Variants in RIMBP2 observed in about 807,000 individuals in gnomAD.
RIMBP2 encodes the protein RIMS binding protein 2, also known as RIMS-binding protein 2.
RIMBP2 carries 48 observed loss-of-function variants against 118.6 expected under a neutral mutation model. The ratio of observed to expected loss-of-function variants is 0.40; its 90% CI spans 0.32 to 0.51. The LOEUF is 0.51. Ranked by LOEUF, RIMBP2 falls within the 20% of genes least tolerant of loss-of-function variation. The pLI is 0.41. For synonymous variants in RIMBP2, 762 were observed against 742.9 expected, an observed-to-expected ratio of 1.03 and a Z score of -0.42; for missense variants, 1,551 against 1,768.3, an observed-to-expected ratio of 0.88 and a Z score of 2.20.
At chr12:130,468,713 T>C (rs1331163979) in intron 6 of RIMBP2, among the ~76,000 whole-genome samples, 4 of 152,194 alleles carry the variant, frequency 2.6e-5, no homozygotes, top group Non-Finnish European at 5.9e-5. Context: ...GCTTGAATTC[T>C]GATGACCAGT....
intron 8 of RIMBP2, 150 bp downstream of exon 8, chr12:130,451,045 C>T (rs2078962266): frequency 1.1e-6 from 1 of 899,690 alleles, no homozygotes; most frequent in Admixed American, 2.5e-5. Context: ...CATAGTAGGG[C>T]AAGGGAATTA....
chr12:130,615,276 C>CATATATATATATATATATATCTAT, intron 2 of RIMBP2, among the ~76,000 whole-genome samples: 1 of 100,264 alleles, frequency 1.0e-5, no homozygotes, highest in East Asian at 3.2e-4. Flanking sequence ...AATACACATA[C>CATATATATATATATATATATCTAT]ATATATATAT....
In RIMBP2 at chr12:130,569,891, C is replaced by T. The variant is rs975656422; in HGVS notation, c.-216-51974G>A. ...GTATATGGCCTGATACAACATGACACGGCCAATTATTTGCATTTAAAAGGC... is the reference window on the plus strand; with the variant it reads ...GTATATGGCCTGATACAACATGACATGGCCAATTATTTGCATTTAAAAGGC... On this transcript the variant is annotated intron_variant, in intron 2 of 22. Coordinates refer to ENST00000690449, the MANE Select transcript of RIMBP2 (RefSeq NM_001393629.1). Among the ~76,000 whole-genome samples the T allele has an allele frequency of 2.6e-5, 4 of 152,098 alleles. No individual in the cohort carries two copies. The East Asian group carries it at 5.8e-4, about 22-fold the overall frequency.
chr12:130,527,005 G>C (rs1280811646), intron 2 of RIMBP2, among the ~76,000 whole-genome samples: 1 of 152,086 alleles, frequency 6.6e-6, no homozygotes, highest in Non-Finnish European at 1.5e-5. Context: ...GCGAGTGGTT[G>C]CTGCTGTCCA....
At chr12:130,615,999 TG>T (rs1264953115) in intron 2 of RIMBP2, among the ~76,000 whole-genome samples, 1 of 152,154 alleles carries the variant, frequency 6.6e-6, no homozygotes, top group Non-Finnish European at 1.5e-5. Context: ...TTTTCACCTC[TG>T]GCAGGCACCA....
chr12:130,644,514 A>G (rs546088423), intron 1 of RIMBP2, among the ~76,000 whole-genome samples: 11 of 152,342 alleles, frequency 7.2e-5, no homozygotes, highest in South Asian at 6.2e-4. Context: ...ATGGGATGGG[A>G]AGATTAAAAG....
rs112901679 is a variant in RIMBP2 at position 130,447,112 on chromosome 12, G to GC, written c.582-1844dup. ...GGAGGAGGGAGCGAGAGGAACAGGA[G>GC]CCCCCAGGCCACGCCTTCAGGAGTG... On this transcript the variant is annotated intron_variant, in intron 9 of 22. Transcript: ENST00000690449. The surrounding 1 kb of genome is among the most constrained non-coding windows in gnomAD (Gnocchi z 4.4). Among the ~76,000 whole-genome samples the GC allele has an allele frequency of 7.9e-5, 12 of 151,960 alleles. No individual in the cohort carries two copies. The highest frequency in any genetic ancestry group is 2.9e-4 in the African/African-American group (12 of 41,428).
intron 1 of RIMBP2, among the ~76,000 whole-genome samples, chr12:130,707,257 C>T (rs937557909): frequency 2.6e-5 from 4 of 152,134 alleles, no homozygotes; most frequent in African/African-American, 7.2e-5. Context: ...GGCATAGGTA[C>T]GCAGAGGATT....
rs898508860 is a variant in RIMBP2 at position 130,399,742 on chromosome 12, G to C, written c.3837C>G (p.Val1279=). Residue 1279 remains valine, a synonymous_variant, in exon 22 of 23, where the codon GTC becomes GTG. Transcript: ENST00000690449. ...AGTGGGATGGAGCATCAGAAAGATAGACTTCTACGTCATCAGGCACTTCTT... is the reference window on the plus strand; with the variant it reads ...AGTGGGATGGAGCATCAGAAAGATACACTTCTACGTCATCAGGCACTTCTT... ...FLEEVPDDVE[V]YLSDAPSHYS... 1.8e-5 allele frequency: 29 copies of C among 1,614,056 alleles called. No homozygotes were observed. Among genetic ancestry groups the C allele is most frequent in the Non-Finnish European group, 2.2e-5 (26 of 1,180,002 alleles).
At chr12:130,695,426 T>C (rs957745811) in intron 1 of RIMBP2, among the ~76,000 whole-genome samples, 2 of 152,170 alleles carry the variant, frequency 1.3e-5, no homozygotes, top group Non-Finnish European at 2.9e-5. Context: ...CACACAACCT[T>C]GTTAAACACT....
intron 2 of RIMBP2, among the ~76,000 whole-genome samples, chr12:130,586,408 C>T (rs535064912): frequency 1.6e-4 from 24 of 152,252 alleles, no homozygotes; most frequent in African/African-American, 4.1e-4. Flanking sequence ...GCCAAGATAA[C>T]GCCACAGCAC....
chr12:130,538,836 T>C (rs10773792), intron 2 of RIMBP2, among the ~76,000 whole-genome samples: 68,955 of 151,882 alleles, frequency 0.45, 16,463 homozygotes, highest in East Asian at 0.59. Context: ...GCCCCCACTC[T>C]TCCCTCCCCG....
chr12:130,651,344 T>C (rs1049586262), intron 1 of RIMBP2: 1 of 152,216 alleles, frequency 6.6e-6, no homozygotes, highest in Non-Finnish European at 1.5e-5. Flanking sequence ...AGGACTATGA[T>C]GACATAGATG....
At chr12:130,570,773 T>C (rs566136159) in intron 2 of RIMBP2, among the ~76,000 whole-genome samples, 3 of 152,336 alleles carry the variant, frequency 2.0e-5, no homozygotes, top group Admixed American at 6.5e-5. Flanking sequence ...GCAACATCAG[T>C]TCCTTCTTAT....
At chr12:130,428,074 T>C in intron 15 of RIMBP2, 105 bp downstream of exon 15, 1 of 1,094,464 alleles carries the variant, frequency 9.1e-7, no homozygotes. Context: ...CTACTGGTTG[T>C]AGGGCAAGGC....
In RIMBP2 at chr12:130,405,214, A is replaced by AC. The variant is rs2075046881; in HGVS notation, c.3765+957_3765+958insG. On this transcript the variant is annotated intron_variant, in intron 21 of 22. Coordinates refer to ENST00000690449, the MANE Select transcript of RIMBP2 (RefSeq NM_001393629.1). The stretch of plus-strand genomic sequence containing the variant: ...ATGGAGAAGCAAACACACACACACA[A>AC]AGTTAAAAAGCAGAGGTTGAGCTGG... Among the ~76,000 whole-genome samples the AC allele has an allele frequency of 5.3e-5, 8 of 150,092 alleles. No homozygotes were observed. The South Asian group carries it at 6.2e-4, about 12-fold the overall frequency.
At chr12:130,493,878 A>C (rs1302639895) in intron 4 of RIMBP2, among the ~76,000 whole-genome samples, 1 of 152,128 alleles carries the variant, frequency 6.6e-6, no homozygotes, top group Non-Finnish European at 1.5e-5. Context: ...AGCCTGTTAC[A>C]TTTACCCGGA....
At position 130,442,715 on chromosome 12, in the gene RIMBP2, G is replaced by A. The variant is rs1419982408; in HGVS notation, c.692-55C>T. ...CAGCCAACACAGCAGGGGCCTCGAG[G>A]CCCCCAGTGTACTCCCACCTCCCCC... On this transcript the variant is annotated intron_variant, in intron 10 of 22. Transcript: ENST00000690449. This position sits in a 1 kb window ranked among gnomAD's most constrained non-coding sequence, Gnocchi z 6.9. The A allele has an allele frequency of 2.7e-6, 4 of 1,474,544 alleles. No individual in the cohort carries two copies. The Admixed American group carries it at 7.3e-5, about 27-fold the overall frequency. 91.3% of individuals were successfully genotyped at this position (1,474,544 alleles called of 1,614,324 possible). A position where few individuals can be genotyped will look rare whatever the true frequency, so the allele number is the denominator to read the frequency against.
intron 1 of RIMBP2, among the ~76,000 whole-genome samples, chr12:130,679,596 G>A (rs74731123): frequency 0.045 from 6,877 of 152,242 alleles, 393 homozygotes; most frequent in African/African-American, 0.13. Flanking sequence ...AGGTGCGGGC[G>A]CATTCGCCTG....
Sources: gnomAD v4.1 joint callset for allele counts (sites outside exome capture counted in the v4.1 genomes callset) on GRCh38, gnomAD v4.1.1 for gene constraint, Gnocchi (gnomAD v3.1) non-coding constraint, MANE v1.5 for transcripts, NCBI Gene and HGNC (gene_info 2026-07-23, HGNC 2026-07-21) for gene names.